The following NAV1 variants were observed in gnomAD, a reference collection of about 807,000 sequenced individuals.
The protein encoded by NAV1 is neuron navigator 1, also known as pore membrane and/or filament interacting like protein 3.
NAV1 carries 18 observed loss-of-function variants against 175.2 expected under a neutral mutation model. The observed-to-expected ratio is 0.10, with a 90% CI of 0.07 to 0.15. NAV1 has a LOEUF of 0.15. NAV1 is among the 10% of genes least tolerant of loss of function. NAV1 has a pLI of 1.00. For synonymous variants in NAV1, 897 were observed against 978.7 expected (o/e 0.92, Z 1.56); for missense variants, 1,731 against 2,436.6 (o/e 0.71, Z 6.10).
Position 201,813,111 on chromosome 1 carries a change from C to T in NAV1, c.5222-29C>T, listed in dbSNP as rs1386701098. The T allele has an allele frequency of 1.3e-6, 2 of 1,518,416 alleles. No individual in the cohort carries two copies. Among genetic ancestry groups the T allele is most frequent in the East Asian group, 4.5e-5 (2 of 44,446 alleles). The allele number at this position is 1,518,416 out of a possible 1,614,324, so 94.1% of individuals were successfully genotyped here. ...AACCGGGAAGATCTAGGTTCCCAGC[C>T]ATCTTCATGGCCCCATCCTCTTCCC... On this transcript the variant is annotated intron_variant, in intron 27 of 29. Coordinates refer to ENST00000367296, the Ensembl canonical transcript of NAV1. This position sits in a 1 kb window ranked among gnomAD's most constrained non-coding sequence, Gnocchi z 4.2.
chr1:201,627,132 T>C (rs1373893453), intron 1 of NAV1, among the ~76,000 whole-genome samples: 1 of 152,244 alleles, frequency 6.6e-6, no homozygotes, highest in Non-Finnish European at 1.5e-5. Context: ...TCTTGCTTTG[T>C]TCCCCAGGCT....
In NAV1 at chr1:201,782,147, C is replaced by G; in HGVS notation, c.1664-29C>G. 6.5e-7 allele frequency: 1 copy of G among 1,542,162 alleles called. No individual in the cohort carries two copies. Among genetic ancestry groups the G allele is most frequent in the Non-Finnish European group, 8.7e-7 (1 of 1,145,810 alleles). Reference sequence around the variant, plus strand: ...TTTTTAAGATACTGGTCAGTTTCAGCTCTTTTCTCATTTCCCGTCCTCTTG... The same window carrying G: ...TTTTTAAGATACTGGTCAGTTTCAGGTCTTTTCTCATTTCCCGTCCTCTTG... On this transcript the variant is annotated intron_variant, in intron 5 of 29. Coordinates refer to ENST00000367296, the Ensembl canonical transcript of NAV1. The surrounding 1 kb of genome is among the most constrained non-coding windows in gnomAD (Gnocchi z 5.4).
chr1:201,664,214 G>C (rs1000281262), intron 1 of NAV1, among the ~76,000 whole-genome samples: 1 of 152,048 alleles, frequency 6.6e-6, no homozygotes, highest in African/African-American at 2.4e-5. Context: ...GGTGGTGCGC[G>C]TCTTATAATC....
chr1:201,655,569 G>A (rs2102344855), intron 1 of NAV1, among the ~76,000 whole-genome samples: 1 of 152,326 alleles, frequency 6.6e-6, no homozygotes, highest in Admixed American at 6.5e-5. Flanking sequence ...TGGGGACTGG[G>A]CCTCCTGAAG....
At chr1:201,642,557 T>TTTCTTTCTTCCCTTTC (rs1571858664) in intron 2 of NAV1, among the ~76,000 whole-genome samples, 1 of 106,018 alleles carries the variant, frequency 9.4e-6, no homozygotes, top group African/African-American at 4.3e-5. Context: ...TTCTTTCTTT[T>TTTCTTTCTTCCCTTTC]TTCCCTTTCT....
intron 2 of NAV1, among the ~76,000 whole-genome samples, chr1:201,600,069 G>C (rs1053823531): frequency 2.0e-5 from 3 of 152,218 alleles, no homozygotes; most frequent in African/African-American, 7.2e-5. Context: ...CGGCTCATCT[G>C]TGACTCGGGA....
intron 15 of NAV1, 118 bp from the exon 20 acceptor site, chr1:201,803,475 A>G: frequency 9.9e-7 from 1 of 1,008,070 alleles, no homozygotes. Context: ...AAAATGAATA[A>G]TGTGATTGAG....
At chr1:201,579,649 CT>C (rs1655481782) in intron 1 of NAV1, among the ~76,000 whole-genome samples, 1 of 152,192 alleles carries the variant, frequency 6.6e-6, no homozygotes, top group Admixed American at 6.5e-5. Flanking sequence ...AGCCACTGTG[CT>C]TGGCCTCAGT....
At chr1:201,674,245 A>C (rs1240742076) in intron 1 of NAV1, 1 of 152,222 alleles carries the variant, frequency 6.6e-6, no homozygotes, top group Non-Finnish European at 1.5e-5. Flanking sequence ...TTGGGTTGCC[A>C]TGGAAACTTG....
intron 2 of NAV1, among the ~76,000 whole-genome samples, chr1:201,612,845 ATGTC>A (rs1667894227): frequency 2.0e-5 from 3 of 151,728 alleles, no homozygotes; most frequent in Non-Finnish European, 4.4e-5. Flanking sequence ...GAGTGTGTGT[ATGTC>A]TGTGTGTGTG....
intron 11 of NAV1, 55 bp downstream of exon 15, chr1:201,789,847 C>T: frequency 2.0e-6 from 3 of 1,532,164 alleles, no homozygotes; most frequent in Non-Finnish European, 2.7e-6. Flanking sequence ...CCATCCCATG[C>T]TCCCTAGAAC....
In NAV1 at chr1:201,666,535, G is replaced by A. The variant is rs1669831485; in HGVS notation, c.757+17110G>A. ...AACAAGAAGAGCAAGAAGGACTGAGGTTAGACTTTAAGAACTTGCCTTTAT... is the reference window on the plus strand; with the variant it reads ...AACAAGAAGAGCAAGAAGGACTGAGATTAGACTTTAAGAACTTGCCTTTAT... On this transcript the variant is annotated intron_variant, in intron 1 of 29. Transcript: ENST00000367296. 2.0e-5 allele frequency among the ~76,000 whole-genome samples: 3 copies of A among 152,278 alleles called. No homozygotes were observed. The South Asian group carries it at 6.2e-4, about 32-fold the overall frequency.
At chr1:201,695,521 C>T (rs1240161604) in intron 1 of NAV1, among the ~76,000 whole-genome samples, 2 of 152,222 alleles carry the variant, frequency 1.3e-5, no homozygotes, top group African/African-American at 2.4e-5. Flanking sequence ...GATGTGTTGT[C>T]GCTGAACTCA....
At chr1:201,669,121 G>T (rs570046541) in intron 1 of NAV1, among the ~76,000 whole-genome samples, 3 of 152,292 alleles carry the variant, frequency 2.0e-5, no homozygotes, top group African/African-American at 7.2e-5. Context: ...CACCTGTCGG[G>T]TATCTACTAT....
chr1:201,556,714 G>A (rs1235177918), intron 1 of NAV1, among the ~76,000 whole-genome samples: 8 of 152,212 alleles, frequency 5.3e-5, no homozygotes, highest in African/African-American at 1.9e-4. Flanking sequence ...AGAGGTCTAA[G>A]GACCAGCCCT....
chr1:201,606,577 G>A (rs1219785852), intron 2 of NAV1, among the ~76,000 whole-genome samples: 1 of 152,158 alleles, frequency 6.6e-6, no homozygotes, highest in Non-Finnish European at 1.5e-5. Context: ...CTGCAGTCCT[G>A]GTATTCTGTA....
At chr1:201,578,978 T>C (rs1558004965) in intron 1 of NAV1, among the ~76,000 whole-genome samples, 1 of 151,546 alleles carries the variant, frequency 6.6e-6, no homozygotes, top group African/African-American at 2.4e-5. Flanking sequence ...ACTAATAATA[T>C]AAAAATTAGC....
At chr1:201,641,641 T>C (rs1668755146) in intron 2 of NAV1, among the ~76,000 whole-genome samples, 1 of 152,142 alleles carries the variant, frequency 6.6e-6, no homozygotes, top group Non-Finnish European at 1.5e-5. Context: ...GAGGAGACCT[T>C]ATGGTAGGCA....
intron 10 of NAV1, among the ~76,000 whole-genome samples, chr1:201,789,327 CA>C (rs1676961338): frequency 6.6e-6 from 1 of 152,192 alleles, no homozygotes; most frequent in East Asian, 1.9e-4. Flanking sequence ...GCACATCCCC[CA>C]GTGCTGAGAG....
Sources: allele counts gnomAD v4.1 joint callset (sites outside exome capture counted in the v4.1 genomes callset), GRCh38; gene constraint gnomAD v4.1.1; non-coding constraint Gnocchi (gnomAD v3.1); transcripts MANE v1.5; gene names NCBI Gene and HGNC (gene_info 2026-07-23, HGNC 2026-07-21).